Variants in DNAI3 observed in about 807,000 individuals in gnomAD.
DNAI3 encodes dynein axonemal intermediate chain 3.
A neutral mutation model predicts 115.5 loss-of-function variants in DNAI3; 83 were observed. The observed-to-expected ratio is 0.72, with a 90% CI of 0.60 to 0.86. The LOEUF (loss-of-function observed/expected upper bound fraction) is 0.86, where lower values mean the gene tolerates loss of function less well. Ranked by LOEUF, DNAI3 falls within the 40% of genes least tolerant of loss-of-function variation. The pLI is 0.00. For missense variants in DNAI3, 1,004 were observed against 1,075.8 expected, an observed-to-expected ratio of 0.93 and a Z score of 0.93; for synonymous variants, 320 against 347.0, an observed-to-expected ratio of 0.92 and a Z score of 0.86.
rs918172394 is a variant in DNAI3, at chr1:85,131,907, T to C, written c.2533-948T>C. Among the ~76,000 whole-genome samples the C allele has an allele frequency of 8.5e-5, 13 of 152,350 alleles. No homozygotes were observed. In the East Asian group the frequency reaches 2.5e-3, roughly 29 times the overall value. On this transcript the variant is annotated intron_variant, in intron 22 of 22. Coordinates refer to ENST00000294664, the MANE Select transcript of DNAI3 (RefSeq NM_145172.5). ...AATAATAATATCTTAAATTGTATTA[T>C]ACTTTTCAATTTCCAAAACGTTCCC...
At chr1:85,124,395 C>G in intron 19 of DNAI3, 144 bp downstream of exon 19, 1 of 1,095,528 alleles carries the variant, frequency 9.1e-7, no homozygotes, top group Non-Finnish European at 1.4e-6. Flanking sequence ...ACCAGCTTGT[C>G]AGCAGAACCA....
rs766701806 is a variant in DNAI3 at position 85,126,721 on chromosome 1, T to C, written c.2317+6T>C. 16 of 1,613,968 alleles carry C rather than the reference T, an allele frequency of 9.9e-6. No individual in the cohort carries two copies. The East Asian group carries it at 1.8e-4, about 18-fold the overall frequency. On this transcript the variant is annotated splice_donor_region_variant and intron_variant, in intron 20 of 22. Coordinates refer to ENST00000294664, the MANE Select transcript of DNAI3 (RefSeq NM_145172.5). ...CAAACCCTGGATCTTTTCTTGTATGTTAATTCTAACTAAATAAGCTAAGTC... is the reference window on the plus strand; with the variant it reads ...CAAACCCTGGATCTTTTCTTGTATGCTAATTCTAACTAAATAAGCTAAGTC...
At chr1:85,074,096 C>T (rs1293701744) in intron 3 of DNAI3, among the ~76,000 whole-genome samples, 2 of 152,164 alleles carry the variant, frequency 1.3e-5, no homozygotes, top group African/African-American at 4.8e-5. Flanking sequence ...CTACCCCTTT[C>T]AAACCACCCC....
intron 12 of DNAI3, 106 bp downstream of exon 12, chr1:85,097,761 G>GA (rs111398421): frequency 0.037 from 27,060 of 733,196 alleles, 35 homozygotes; most frequent in East Asian, 0.049. Flanking sequence ...GAGAAAAAAG[G>GA]AAAAAAAAAA....
intron 13 of DNAI3, 103 bp from the exon 14 acceptor site, chr1:85,104,421 G>T: frequency 3.0e-6 from 3 of 990,474 alleles, no homozygotes; most frequent in Non-Finnish European, 4.5e-6. Flanking sequence ...GCCCCCGGCC[G>T]GTATGTTCTT....
chr1:85,099,520 A>G (rs1225080299), intron 13 of DNAI3, among the ~76,000 whole-genome samples: 9 of 152,228 alleles, frequency 5.9e-5, no homozygotes, highest in Non-Finnish European at 1.3e-4. Context: ...ATGGATAGGA[A>G]GAATCAATAT....
intron 3 of DNAI3, among the ~76,000 whole-genome samples, chr1:85,079,980 G>T (rs1654580141): frequency 6.6e-6 from 1 of 151,116 alleles, no homozygotes; most frequent in Admixed American, 6.6e-5. Context: ...CTGTGAAAAA[G>T]AGAAGCCCTA....
intron 19 of DNAI3, 150 bp downstream of exon 19, chr1:85,124,401 A>G: frequency 9.6e-7 from 1 of 1,043,640 alleles, no homozygotes; most frequent in Non-Finnish European, 1.4e-6. Flanking sequence ...TTGTCAGCAG[A>G]ACCACTGTAA....
rs1557731005 is a variant in DNAI3 at position 85,132,962 on chromosome 1, A to C, written c.2640A>C (p.Lys880Asn). 6.2e-7 allele frequency: 1 copy of C among 1,613,852 alleles called. No individual in the cohort carries two copies. The highest frequency in any genetic ancestry group is 8.5e-7 in the Non-Finnish European group (1 of 1,179,914). Residue 880 changes from lysine (K) to asparagine (N), a missense_variant, in exon 23 of 23, where the codon AAA becomes AAC. Lys to Asn is a moderately conservative substitution (Grantham distance 94). Coordinates refer to ENST00000294664, the MANE Select transcript of DNAI3 (RefSeq NM_145172.5). Reference protein sequence around the residue: ...KTVLINLGLIKVTEKGSYMEV... With the variant: ...KTVLINLGLINVTEKGSYMEV... ...TTCTTATCAACCTTGGCCTAATCAA[A>C]GTCACAGAGAAGGGGTCATACATGG... is the stretch of plus-strand genomic sequence containing the variant.
At chr1:85,082,853 C>G (rs1469193341) in intron 5 of DNAI3, among the ~76,000 whole-genome samples, 2 of 152,164 alleles carry the variant, frequency 1.3e-5, no homozygotes, top group Non-Finnish European at 2.9e-5. Flanking sequence ...CCTTCGTTGA[C>G]CTCGTGAGAG....
chr1:85,078,697 T>TG (rs901591088), intron 3 of DNAI3, among the ~76,000 whole-genome samples: 2 of 152,234 alleles, frequency 1.3e-5, no homozygotes, highest in African/African-American at 4.8e-5. Context: ...GGCCTTGCCC[T>TG]GGTTAGTTTA....
chr1:85,104,568 C>A lies in DNAI3; in HGVS notation c.1524C>A (p.Cys508Ter), dbSNP rs746202297. ...TCTTTGAGAATCGAAGTGGAATATGCTGTCAACTTGTCACATGTTCAGCAG... is the reference window on the plus strand; with the variant it reads ...TCTTTGAGAATCGAAGTGGAATATGATGTCAACTTGTCACATGTTCAGCAG... ...GSVFENRSGI[C>*]CQLVTCSADC... The change falls in exon 14 of 23, where the codon TGC (cysteine) becomes TGA (stop). Residue 508 changes from cysteine (C) to a stop codon, truncating the protein, a stop_gained. Coordinates refer to ENST00000294664, the MANE Select transcript of DNAI3 (RefSeq NM_145172.5). LOFTEE classifies it high-confidence loss of function. The A allele has an allele frequency of 9.3e-6, 15 of 1,613,628 alleles. No homozygotes were observed. The Admixed American group carries it at 2.5e-4, about 27-fold the overall frequency.
chr1:85,096,410 A>G (rs1655125489), intron 11 of DNAI3, among the ~76,000 whole-genome samples: 1 of 151,262 alleles, frequency 6.6e-6, no homozygotes, highest in African/African-American at 2.4e-5. Flanking sequence ...ACAGAAATTC[A>G]CTAGAAAGCA....
chr1:85,081,497 G>A, intron 4 of DNAI3, 82 bp downstream of exon 4: 1 of 1,359,030 alleles, frequency 7.4e-7, no homozygotes, highest in Non-Finnish European at 9.8e-7. Flanking sequence ...AGAGGTTGTT[G>A]GTTCAAATCT....
chr1:85,082,343 T>C lies in DNAI3; in HGVS notation c.329T>C (p.Phe110Ser), dbSNP rs1005389084. ...NELLLVYDKD[F>S]KYGLNFYLIA... ...CTTCTGCTTGTTTATGACAAAGACTTCAAATATGGACTTAACTTTTATCTT... is the reference window on the plus strand; with the variant it reads ...CTTCTGCTTGTTTATGACAAAGACTCCAAATATGGACTTAACTTTTATCTT... Residue 110 changes from phenylalanine to serine, a missense_variant, in exon 5 of 23, where the codon TTC (phenylalanine) becomes TCC (serine). Transcript: ENST00000294664. 1 of 1,613,914 alleles carries C rather than the reference T, an allele frequency of 6.2e-7. No homozygotes were observed. The highest frequency in any genetic ancestry group is 1.7e-5 in the Admixed American group (1 of 59,990).
intron 13 of DNAI3, among the ~76,000 whole-genome samples, chr1:85,100,945 G>A (rs918894148): frequency 1.3e-5 from 2 of 151,490 alleles, no homozygotes; most frequent in Non-Finnish European, 2.9e-5. Flanking sequence ...GACACAGGAA[G>A]GGGAACATCA....
At position 85,080,428 on chromosome 1, in the gene DNAI3, G is replaced by T. The variant is rs569564053; in HGVS notation, c.104-806G>T. 1.2e-4 allele frequency among the ~76,000 whole-genome samples: 19 copies of T among 152,298 alleles called. No homozygotes were observed. In the South Asian group the frequency reaches 3.9e-3, roughly 32 times the overall value. On this transcript the variant is annotated intron_variant, in intron 3 of 22. Coordinates refer to ENST00000294664, the MANE Select transcript of DNAI3 (RefSeq NM_145172.5). ...AAGAAAAGCTGAAAGGAAAGGAATA[G>T]TTGAATGGATGCTGGTGGCTGAGGA...
At chr1:85,112,854 C>T (rs1486434970) in intron 16 of DNAI3, among the ~76,000 whole-genome samples, 3 of 152,238 alleles carry the variant, frequency 2.0e-5, no homozygotes, top group Non-Finnish European at 4.4e-5. Context: ...ACTGCAACCT[C>T]TGCCTCTGGG....
chr1:85,072,309 A>G (rs1654298249), intron 2 of DNAI3, among the ~76,000 whole-genome samples: 1 of 152,216 alleles, frequency 6.6e-6, no homozygotes, highest in Non-Finnish European at 1.5e-5. Flanking sequence ...TCTTCATTGT[A>G]TATTTGCACT....
Sources: allele counts gnomAD v4.1 joint callset (sites outside exome capture counted in the v4.1 genomes callset), GRCh38; gene constraint gnomAD v4.1.1; transcripts MANE v1.5; gene names NCBI Gene and HGNC (gene_info 2026-07-23, HGNC 2026-07-21).